HS1BP3: variants seen among roughly 807,000 people sequenced by gnomAD.
HS1BP3 encodes HCLS1-binding protein 3.
A neutral mutation model predicts 33.5 loss-of-function variants in HS1BP3; 32 were observed. The observed-to-expected ratio is 0.95, with a 90% CI of 0.72 to 1.28. The LOEUF (loss-of-function observed/expected upper bound fraction) is 1.28, where lower values mean the gene tolerates loss of function less well. Among genes scored for constraint, HS1BP3 ranks in the 50% most tolerant of loss-of-function variants. The pLI is 0.00. For synonymous variants in HS1BP3, 187 were observed against 209.2 expected, an observed-to-expected ratio of 0.89 and a Z score of 0.92; for missense variants, 486 against 502.3, an observed-to-expected ratio of 0.97 and a Z score of 0.31.
chr2:20,645,320 G>C lies in HS1BP3; in HGVS notation c.198+20C>G. The C allele has an allele frequency of 6.2e-7, 1 of 1,610,258 alleles. No individual in the cohort carries two copies. Among genetic ancestry groups the C allele is most frequent in the African/African-American group, 1.3e-5 (1 of 75,016 alleles). ...ACCCCGGGCACCCTCGAAACATCCTGGCCAGAGCCTCCGGCTCACCAAGAA... is the reference window on the plus strand; with the variant it reads ...ACCCCGGGCACCCTCGAAACATCCTCGCCAGAGCCTCCGGCTCACCAAGAA... On this transcript the variant is annotated intron_variant, in intron 2 of 6. Coordinates refer to ENST00000304031, the MANE Select transcript of HS1BP3 (RefSeq NM_022460.4).
chr2:20,556,807 C>T (rs1692853366), downstream of HS1BP3, among the ~76,000 whole-genome samples: 1 of 152,154 alleles, frequency 6.6e-6, no homozygotes, highest in Admixed American at 6.5e-5. Flanking sequence ...TTTCCTGGCT[C>T]CTTCTTGTTC....
intron 4 of HS1BP3, among the ~76,000 whole-genome samples, chr2:20,630,820 C>G (rs1277679283): frequency 6.6e-6 from 1 of 152,124 alleles, no homozygotes; most frequent in African/African-American, 2.4e-5. Flanking sequence ...GAGAAGAGCC[C>G]ATGAAAATGC....
At position 20,619,264 on chromosome 2, in the gene HS1BP3, G is replaced by A. The variant is rs951376755; in HGVS notation, c.921-19C>T. 6.4e-7 allele frequency: 1 copy of A among 1,572,052 alleles called. No individual in the cohort carries two copies. Among genetic ancestry groups the A allele is most frequent in the Admixed American group, 1.8e-5 (1 of 56,862 alleles). ...TTCAACTCTAGGGAACCACAGGGAG[G>A]AACCCTGAGCATAACACTGCCACCC... On this transcript the variant is annotated intron_variant, in intron 6 of 6. Transcript: ENST00000304031.
intron 5 of HS1BP3, among the ~76,000 whole-genome samples, chr2:20,583,006 C>A (rs62124222): frequency 6.6e-6 from 1 of 152,186 alleles, no homozygotes; most frequent in African/African-American, 2.4e-5. Context: ...CTGGGCCTAC[C>A]TGCTACTCAG....
In HS1BP3 at chr2:20,624,797, C is replaced by T; in HGVS notation, c.719G>A (p.Gly240Glu). The change falls in exon 5 of 7, where the codon GGG becomes GAG. Residue 240 changes from glycine to glutamate, a missense_variant. Gly to Glu is a moderately conservative substitution (Grantham distance 98). Transcript: ENST00000304031. ...CAGCTTCCTGCCCGGGCCAAAGAGC[C>T]CCTCATCAGGGTCCACCTCCTCGTC... Reference protein sequence around the residue: ...IFDEEVDPDEGLFGPGRKLSP... With the variant: ...IFDEEVDPDEELFGPGRKLSP... The T allele has an allele frequency of 6.2e-7, 1 of 1,613,504 alleles. No individual in the cohort carries two copies. Among genetic ancestry groups the T allele is most frequent in the Non-Finnish European group, 8.5e-7 (1 of 1,179,708 alleles).
At chr2:20,601,718 A>G in intron 2 of HS1BP3, among the ~76,000 whole-genome samples, 1 of 145,646 alleles carries the variant, frequency 6.9e-6, no homozygotes, top group East Asian at 2.1e-4. Context: ...TGGAACTGGG[A>G]GTCCATTAAA....
At chr2:20,638,762 G>A (rs1572358003) in intron 3 of HS1BP3, 110 bp from the exon 4 acceptor site, 1 of 827,350 alleles carries the variant, frequency 1.2e-6, no homozygotes, top group East Asian at 2.6e-5. Flanking sequence ...AGGGCTTCCT[G>A]CAGCCTCCTG....
rs1266393547 is a variant in HS1BP3 at position 20,611,395 on chromosome 2, C to A, written c.178+12501G>T. 6.6e-6 allele frequency among the ~76,000 whole-genome samples: 1 copy of A among 152,180 alleles called. No individual in the cohort carries two copies. Among genetic ancestry groups the A allele is most frequent in the African/African-American group, 2.4e-5 (1 of 41,438 alleles). On this transcript the variant is annotated intron_variant, in intron 2 of 3. Transcript: ENST00000415264. This position sits in a 1 kb window ranked among gnomAD's most constrained non-coding sequence, Gnocchi z 4.9. ...CCCAAGGGGTAAAGAGAAAGGGATA[C>A]AGGCCAGCCTGACCATGGGCCGCTG...
chr2:20,622,610 G>A, intron 6 of HS1BP3: 1 of 302,100 alleles, frequency 3.3e-6, no homozygotes, highest in Non-Finnish European at 6.7e-6. Flanking sequence ...ACGTTCTGCA[G>A]AACACAGGTT....
chr2:20,622,078 G>T, intron 6 of HS1BP3: 3 of 729,748 alleles, frequency 4.1e-6, no homozygotes, highest in Non-Finnish European at 5.6e-6. Context: ...CAGCCAGAAG[G>T]AACAAAGCCT....
intron 2 of HS1BP3, among the ~76,000 whole-genome samples, chr2:20,599,127 C>G (rs1030147927): frequency 6.6e-6 from 1 of 152,224 alleles, no homozygotes; most frequent in Non-Finnish European, 1.5e-5. Context: ...CTGGTGGAAA[C>G]GTGTCTATTC....
Position 20,645,520 on chromosome 2 carries a change from G to C in HS1BP3, c.33-15C>G. The C allele has an allele frequency of 1.2e-6, 2 of 1,605,560 alleles. No homozygotes were observed. The highest frequency in any genetic ancestry group is 4.5e-5 in the East Asian group (2 of 44,778). On this transcript the variant is annotated splice_polypyrimidine_tract_variant and intron_variant, in intron 1 of 6. Coordinates refer to ENST00000304031, the MANE Select transcript of HS1BP3 (RefSeq NM_022460.4). ...TCTGAAGTCGCCTGCCAGGGGAAAA[G>C]AAGGCAGGTGGGGTTCAGGGTCAAG...
chr2:20,555,073 C>T, the HS1BP3 span, among the ~76,000 whole-genome samples: 11 of 152,182 alleles, frequency 7.2e-5, no homozygotes, highest in South Asian at 2.1e-4. Context: ...GGGCCTGCAG[C>T]GCTAACTGTT....
chr2:20,642,700 C>G (rs1695394676), intron 2 of HS1BP3, among the ~76,000 whole-genome samples: 1 of 152,244 alleles, frequency 6.6e-6, no homozygotes, highest in Non-Finnish European at 1.5e-5. Context: ...GGCTCCCACC[C>G]CACCCAGGGC....
At chr2:20,556,771 A>G (rs113153958), downstream of HS1BP3, among the ~76,000 whole-genome samples, 3,606 of 152,310 alleles carry the variant, frequency 0.024, 158 homozygotes, top group African/African-American at 0.082. Context: ...TATTTGGGCC[A>G]TGACTGCCGT....
Position 20,600,114 on chromosome 2 carries a change from G to A in HS1BP3, c.179-1849C>T, listed in dbSNP as rs113317787. On this transcript the variant is annotated intron_variant, in intron 2 of 3. Coordinates refer to the HS1BP3 transcript ENST00000415264. ...GCTTCAACAGCCCAGCCTCTGTGCAGTCGGACCAAATGCTGGCCTTGTAGC... is the reference window on the plus strand; with the variant it reads ...GCTTCAACAGCCCAGCCTCTGTGCAATCGGACCAAATGCTGGCCTTGTAGC... Among the ~76,000 whole-genome samples the A allele has an allele frequency of 6.9e-3, 1,047 of 152,326 alleles. 14 individuals carry two copies. Among genetic ancestry groups the A allele is most frequent in the African/African-American group, 0.023 (974 of 41,574 alleles).
chr2:20,640,498 G>C (rs988666620), intron 3 of HS1BP3: 1 of 360,838 alleles, frequency 2.8e-6, no homozygotes, highest in Admixed American at 4.2e-5. Context: ...CTGTCCCCAT[G>C]ACCCTCTCTG....
At chr2:20,606,329 G>T in intron 2 of HS1BP3, 1 of 467,680 alleles carries the variant, frequency 2.1e-6, no homozygotes, top group Non-Finnish European at 4.3e-6. Context: ...GGTATTTCTG[G>T]TATAAATTAC....
chr2:20,597,806 AAAG>A (rs1693977562), intron 3 of HS1BP3, among the ~76,000 whole-genome samples: 1 of 152,240 alleles, frequency 6.6e-6, no homozygotes. Flanking sequence ...GGATTCAAGG[AAAG>A]AAGACCTGCT....
Sources: gnomAD v4.1 joint callset for allele counts (sites outside exome capture counted in the v4.1 genomes callset) on GRCh38, gnomAD v4.1.1 for gene constraint, Gnocchi (gnomAD v3.1) non-coding constraint, MANE v1.5 for transcripts, NCBI Gene and HGNC (gene_info 2026-07-23, HGNC 2026-07-21) for gene names.